The following OXTR variants were observed in gnomAD, a reference collection of about 807,000 sequenced individuals.
OXTR encodes the protein oxytocin receptor.
In OXTR, 19 loss-of-function variants were observed where a neutral mutation model predicts 23.9. That is an observed-to-expected ratio of 0.80 (90% CI 0.56 to 1.17). The LOEUF (loss-of-function observed/expected upper bound fraction) is 1.17. Among genes scored for constraint, OXTR ranks in the 50% most tolerant of loss-of-function variants. The pLI, the probability that OXTR is intolerant of heterozygous loss-of-function variation, is 0.00. For missense variants in OXTR, 500 were observed against 550.7 expected, an observed-to-expected ratio of 0.91 and a Z score of 0.92; for synonymous variants, 278 against 250.5, an observed-to-expected ratio of 1.11 and a Z score of -1.04.
At chr3:8,761,260 G>C (rs1225204557) in intron 3 of OXTR, among the ~76,000 whole-genome samples, 1 of 152,248 alleles carries the variant, frequency 6.6e-6, no homozygotes, top group Non-Finnish European at 1.5e-5. Flanking sequence ...GACACAGGGA[G>C]GATGAGAGGG....
downstream of OXTR, among the ~76,000 whole-genome samples, chr3:8,749,520 T>C (rs1335142773): frequency 6.6e-6 from 1 of 152,152 alleles, no homozygotes; most frequent in Non-Finnish European, 1.5e-5. Flanking sequence ...GAGGCATGAA[T>C]GCTAACAGAC....
At chr3:8,763,631 T>C (rs961891146) in intron 3 of OXTR, among the ~76,000 whole-genome samples, 37 of 152,336 alleles carry the variant, frequency 2.4e-4, no homozygotes, top group African/African-American at 8.7e-4. Context: ...TGGAATTTAA[T>C]TCTGAAAGAT....
the OXTR span, chr3:8,742,497 A>G: frequency 4.4e-6 from 2 of 456,624 alleles, no homozygotes; most frequent in African/African-American, 4.0e-5. Flanking sequence ...TCTTATCAGC[A>G]CAGACTGAGA....
At chr3:8,749,025 A>G (rs1708211659), downstream of OXTR, among the ~76,000 whole-genome samples, 1 of 152,142 alleles carries the variant, frequency 6.6e-6, no homozygotes, top group African/African-American at 2.4e-5. Flanking sequence ...GGTTGTAAAC[A>G]AGTCTGAAAC....
chr3:8,742,157 C>G, the OXTR span, among the ~76,000 whole-genome samples: 13 of 152,028 alleles, frequency 8.6e-5, no homozygotes, highest in Admixed American at 2.6e-4. Flanking sequence ...AAATATCTCC[C>G]CAAACTAGCA....
chr3:8,744,010 C>T, the OXTR span, among the ~76,000 whole-genome samples: 1 of 152,048 alleles, frequency 6.6e-6, no homozygotes, highest in East Asian at 1.9e-4. Flanking sequence ...GACTAACTAA[C>T]CAGGAAGATT....
chr3:8,768,240 C>G lies in OXTR; in HGVS notation c.-53G>C. ...CCTTCGAGCCCTTTACGGCTTGGCG[C>G]GGCTGGGCCGGATCCGGCGTGTCGG... On this transcript the variant is annotated 5_prime_UTR_variant, in exon 3 of 4. Transcript: ENST00000316793. The surrounding 1 kb of genome is among the most constrained non-coding windows in gnomAD (Gnocchi z 5.4). The G allele has an allele frequency of 7.9e-7, 1 of 1,263,224 alleles. No homozygotes were observed. The highest frequency in any genetic ancestry group is 9.9e-7 in the Non-Finnish European group (1 of 1,009,352). The allele number at this position is 1,263,224 out of a possible 1,614,324, so 78.3% of individuals were successfully genotyped here. A position where few individuals can be genotyped will look rare whatever the true frequency, so the allele number is the denominator to read the frequency against.
In OXTR at chr3:8,768,377, C is replaced by T. The variant is rs237914; in HGVS notation, c.-142-48G>A. 3 of 929,884 alleles carry T rather than the reference C, an allele frequency of 3.2e-6. No individual in the cohort carries two copies. The highest frequency in any genetic ancestry group is 3.6e-5 in the East Asian group (1 of 27,480). The allele number at this position is 929,884 out of a possible 1,614,324, so 57.6% of individuals were successfully genotyped here. On this transcript the variant is annotated intron_variant, in intron 2 of 3. Coordinates refer to ENST00000316793, the MANE Select transcript of OXTR (RefSeq NM_000916.4). The surrounding 1 kb of genome is among the most constrained non-coding windows in gnomAD (Gnocchi z 5.4). The stretch of plus-strand genomic sequence containing the variant: ...TGAGGAGACCGCCGCGTTTCTCTTC[C>T]GACGCGGGTAGGGCGTGCTTGTCCC...
At chr3:8,746,058 G>A (rs1379980456), downstream of OXTR, 6 of 583,114 alleles carry the variant, frequency 1.0e-5, no homozygotes, top group East Asian at 1.1e-4. Flanking sequence ...ATGGCCCTTC[G>A]CTCTCCCCCA....
At chr3:8,741,764 C>CG in the OXTR span, among the ~76,000 whole-genome samples, 1 of 152,130 alleles carries the variant, frequency 6.6e-6, no homozygotes, top group Non-Finnish European at 1.5e-5. Context: ...TTTTCGACCC[C>CG]GGGTGACTGT....
At chr3:8,761,682 AG>A (rs1708491119) in intron 3 of OXTR, among the ~76,000 whole-genome samples, 1 of 152,156 alleles carries the variant, frequency 6.6e-6, no homozygotes, top group Non-Finnish European at 1.5e-5. Flanking sequence ...TAGGGTGAGG[AG>A]CAGAAATGGC....
chr3:8,757,777 C>A (rs1255691270), intron 3 of OXTR, among the ~76,000 whole-genome samples: 1 of 152,126 alleles, frequency 6.6e-6, no homozygotes, highest in Non-Finnish European at 1.5e-5. Flanking sequence ...TCCGCGGGGG[C>A]CGCTGGCCTC....
At chr3:8,755,292 A>G (rs184881930) in intron 3 of OXTR, among the ~76,000 whole-genome samples, 22 of 152,368 alleles carry the variant, frequency 1.4e-4, no homozygotes, top group African/African-American at 3.8e-4. Flanking sequence ...GCAAAAGTCA[A>G]TATTTACAAC....
In OXTR at chr3:8,761,989, G is replaced by A. The variant is rs553554134; in HGVS notation, c.922+5277C>T. 5.9e-5 allele frequency among the ~76,000 whole-genome samples: 9 copies of A among 152,290 alleles called. No homozygotes were observed. The South Asian group carries it at 8.3e-4, about 14-fold the overall frequency. On this transcript the variant is annotated intron_variant, in intron 3 of 3. Transcript: ENST00000316793. The stretch of plus-strand genomic sequence containing the variant: ...AGGTGGGCTCAGGTGTACAGGGTCC[G>A]GCTTCAGCCCCTGGGAGGGAGCCCT...
intron 3 of OXTR, among the ~76,000 whole-genome samples, chr3:8,756,216 G>T (rs1383238417): frequency 6.6e-6 from 1 of 152,162 alleles, no homozygotes; most frequent in Admixed American, 6.5e-5. Flanking sequence ...GGAAAATATT[G>T]TCCTTACATT....
chr3:8,759,134 G>C (rs1247681610), intron 3 of OXTR, among the ~76,000 whole-genome samples: 1 of 152,214 alleles, frequency 6.6e-6, no homozygotes, highest in Non-Finnish European at 1.5e-5. Flanking sequence ...AAATCGTATA[G>C]ATAGGAAAGA....
chr3:8,765,002 T>G (rs951442010), intron 3 of OXTR, among the ~76,000 whole-genome samples: 8 of 152,212 alleles, frequency 5.3e-5, no homozygotes, highest in African/African-American at 1.9e-4. Flanking sequence ...TCCCTGCCCC[T>G]TGGGCTTCAG....
At chr3:8,756,578 A>G (rs111485113) in intron 3 of OXTR, among the ~76,000 whole-genome samples, 12 of 152,318 alleles carry the variant, frequency 7.9e-5, no homozygotes, top group African/African-American at 2.9e-4. Context: ...CTGTTCCCAA[A>G]ACAAATGTGG....
Position 8,768,168 on chromosome 3 carries a change from GC to G in OXTR, c.19del (p.Ala7ProfsTer48). On this transcript the variant is annotated frameshift_variant, in exon 3 of 4. Transcript: ENST00000316793. LOFTEE classifies it high-confidence loss of function. This position sits in a 1 kb window ranked among gnomAD's most constrained non-coding sequence, Gnocchi z 5.4. MEGALAANWSAEAANAS... is the reference protein window; with the variant it reads MEGALAXNWSAEAANAS... ...GTTGGCTGCCTCGGCGCTCCAGTTG[GC>G]TGCGAGCGCGCCCTCCATGACCCTG... The G allele has an allele frequency of 7.5e-7, 1 of 1,325,752 alleles. No individual in the cohort carries two copies. The highest frequency in any genetic ancestry group is 9.6e-7 in the Non-Finnish European group (1 of 1,046,472). The allele number at this position is 1,325,752 out of a possible 1,614,324, so 82.1% of individuals were successfully genotyped here.
Sources: gnomAD v4.1 joint callset for allele counts (sites outside exome capture counted in the v4.1 genomes callset) on GRCh38, gnomAD v4.1.1 for gene constraint, Gnocchi (gnomAD v3.1) non-coding constraint, MANE v1.5 for transcripts, NCBI Gene and HGNC (gene_info 2026-07-23, HGNC 2026-07-21) for gene names.